Variants in NFATC1 observed in about 807,000 individuals in gnomAD.
NFATC1 encodes nuclear factor of activated T cells 1.
A neutral mutation model predicts 76.0 loss-of-function variants in NFATC1; 22 were observed. That is an observed-to-expected ratio of 0.29 (90% CI 0.21 to 0.41). NFATC1 has a LOEUF of 0.41. Among genes scored for constraint, NFATC1 ranks in the 10% least tolerant of loss-of-function variants. The pLI is 1.00. For synonymous variants in NFATC1, 704 were observed against 613.1 expected (o/e 1.15, Z -2.19); for missense variants, 1,357 against 1,337.7 (o/e 1.01, Z -0.23).
At chr18:79,436,066 A>G (rs1468767236) in intron 3 of NFATC1, among the ~76,000 whole-genome samples, 2 of 152,226 alleles carry the variant, frequency 1.3e-5, no homozygotes, top group Non-Finnish European at 2.9e-5. Context: ...AAATTGGATA[A>G]AAATAGAATT....
intron 8 of NFATC1, among the ~76,000 whole-genome samples, chr18:79,471,813 T>G (rs1047674291): frequency 9.9e-5 from 15 of 152,202 alleles, no homozygotes; most frequent in Non-Finnish European, 2.2e-4. Context: ...CCTCGGGATC[T>G]GGGGGTCCTT....
At chr18:79,454,468 C>T (rs11665469) in intron 6 of NFATC1, among the ~76,000 whole-genome samples, 44,599 of 152,044 alleles carry the variant, frequency 0.29, 6,690 homozygotes, top group African/African-American at 0.34. Flanking sequence ...AGGGAGTCCC[C>T]GCAGCAGGGC....
intron 9 of NFATC1, among the ~76,000 whole-genome samples, chr18:79,510,553 C>G (rs1401666298): frequency 6.6e-6 from 1 of 152,218 alleles, no homozygotes; most frequent in Admixed American, 6.5e-5. Context: ...TTCGGAGGAA[C>G]AGGGATGGGC....
At chr18:79,415,443 C>T (rs964308617) in intron 2 of NFATC1, among the ~76,000 whole-genome samples, 1 of 151,958 alleles carries the variant, frequency 6.6e-6, no homozygotes, top group Non-Finnish European at 1.5e-5. Flanking sequence ...CCACCGCGCC[C>T]GGCTATTTTT....
intron 2 of NFATC1, among the ~76,000 whole-genome samples, chr18:79,430,658 C>T (rs1038841645): frequency 2.2e-4 from 34 of 152,376 alleles, no homozygotes; most frequent in African/African-American, 7.9e-4. Context: ...GCTGGGATTA[C>T]AGGCATGAGC....
chr18:79,413,445 T>C (rs2085767674), intron 2 of NFATC1, among the ~76,000 whole-genome samples: 1 of 152,212 alleles, frequency 6.6e-6, no homozygotes, highest in Non-Finnish European at 1.5e-5. Flanking sequence ...AGGCGCCGTC[T>C]TCTCCCCATG....
At position 79,486,901 on chromosome 18, in the gene NFATC1, G is replaced by C. The variant is rs1185585538; in HGVS notation, c.2746G>C (p.Glu916Gln). 2 of 1,607,058 alleles carry C rather than the reference G, an allele frequency of 1.2e-6. No homozygotes were observed. Among genetic ancestry groups the C allele is most frequent in the African/African-American group, 2.7e-5 (2 of 74,772 alleles). ...CCCTATTCCTGTAACGGTCAAGCGA[G>C]AGCCTGAAGAGTTGGACCAGTTGTA... The part of the protein sequence containing the change: ...LAPIPVTVKR[E>Q]PEELDQLYLD... The change falls in exon 9 of 10, where the codon GAG (glutamate) becomes CAG (glutamine). Residue 916 changes from glutamate (E) to glutamine (Q), a missense_variant. Glu to Gln is a conservative substitution (Grantham distance 29). This residue lies in a region of NFATC1 where 424 missense variants were observed against 395.4 expected (regional missense o/e 1.07). Transcript: ENST00000427363.
intron 3 of NFATC1, among the ~76,000 whole-genome samples, chr18:79,437,441 C>T (rs2086819577): frequency 6.6e-6 from 1 of 152,160 alleles, no homozygotes; most frequent in Non-Finnish European, 1.5e-5. Context: ...GCCCCTGCTC[C>T]AGCACCTTGG....
chr18:79,451,150 C>G (rs774692236), intron 5 of NFATC1, 24 bp downstream of exon 5: 1 of 1,596,790 alleles, frequency 6.3e-7, no homozygotes, highest in South Asian at 1.1e-5. Flanking sequence ...CACGCGCCCA[C>G]AGGGGAGGAA....
intron 4 of NFATC1, 36 bp from the exon 5 acceptor site, chr18:79,450,918 A>G: frequency 1.3e-6 from 2 of 1,597,958 alleles, no homozygotes; most frequent in Non-Finnish European, 1.7e-6. Flanking sequence ...CGCGTCAGCC[A>G]TTGAAAGAAA....
intron 9 of NFATC1, among the ~76,000 whole-genome samples, chr18:79,499,331 A>G (rs1014434163): frequency 2.3e-5 from 3 of 133,032 alleles, no homozygotes; most frequent in African/African-American, 7.4e-5. Flanking sequence ...CACTAAGAAA[A>G]TATATATGTG....
intron 3 of NFATC1, among the ~76,000 whole-genome samples, chr18:79,442,951 G>A (rs2087040269): frequency 6.6e-6 from 1 of 152,172 alleles, no homozygotes; most frequent in African/African-American, 2.4e-5. Context: ...AGTGAGGCAC[G>A]CTCAGCTGGA....
chr18:79,483,821 G>GT (rs1240108400), intron 8 of NFATC1, among the ~76,000 whole-genome samples: 27 of 137,302 alleles, frequency 2.0e-4, no homozygotes, highest in Non-Finnish European at 9.2e-5. Context: ...GCGTGACCTG[G>GT]TCCTGGGGTG....
intron 7 of NFATC1, among the ~76,000 whole-genome samples, chr18:79,464,648 T>G (rs1174790526): frequency 6.1e-5 from 8 of 131,632 alleles, no homozygotes; most frequent in South Asian, 2.3e-4. Flanking sequence ...ATATATGTGT[T>G]TGTGTGTGTG....
chr18:79,515,808 A>G (rs2145192824), intron 9 of NFATC1: 1 of 152,004 alleles, frequency 6.6e-6, no homozygotes, highest in Admixed American at 6.6e-5. Context: ...GAGCTTTAAC[A>G]TTTTTATTTT....
At chr18:79,469,192 TATA>T (rs1381860935) in intron 8 of NFATC1, 2 of 318,464 alleles carry the variant, frequency 6.3e-6, no homozygotes, top group Non-Finnish European at 9.1e-6. Context: ...TTTCTGAAAA[TATA>T]ATGATTGAGT....
intron 9 of NFATC1, among the ~76,000 whole-genome samples, chr18:79,522,864 G>A (rs942055786): frequency 1.1e-4 from 17 of 152,302 alleles, no homozygotes; most frequent in African/African-American, 4.1e-4. Flanking sequence ...AGTAAGTACT[G>A]AAAGAAAAAA....
intron 1 of NFATC1, among the ~76,000 whole-genome samples, chr18:79,401,327 C>T (rs548660601): frequency 1.3e-5 from 2 of 152,120 alleles, no homozygotes; most frequent in African/African-American, 2.4e-5. Context: ...TAATGAGGGT[C>T]ATATTTTCCG....
intron 2 of NFATC1, among the ~76,000 whole-genome samples, chr18:79,419,535 ACCTGCCTGCCCGGGAGCCCCCCTAGGAGG>A (rs750108339): frequency 0.019 from 2,558 of 137,004 alleles, 24 homozygotes; most frequent in Non-Finnish European, 0.03. Context: ...GAGGGCCGGC[ACCTGCCTGCCCGGGAGCCCCCCTAGGAGG>A]GTCAGAACCT....
Sources: gnomAD v4.1 joint callset for allele counts (sites outside exome capture counted in the v4.1 genomes callset) on GRCh38, gnomAD v4.1.1 for gene constraint, gnomAD v4.1.1 regional missense constraint, MANE v1.5 for transcripts, NCBI Gene and HGNC (gene_info 2026-07-23, HGNC 2026-07-21) for gene names.